SARS2: variants seen among roughly 807,000 people sequenced by gnomAD.
The protein encoded by SARS2 is seryl-tRNA synthetase 2, mitochondrial, also known as serine--tRNA ligase, mitochondrial.
A neutral mutation model predicts 66.8 loss-of-function variants in SARS2; 52 were observed. The observed-to-expected ratio is 0.78, with a 90% confidence interval of 0.62 to 0.98. SARS2 has a LOEUF of 0.98. Ranked by LOEUF, SARS2 falls within the 50% of genes least tolerant of loss-of-function variation. The pLI is 0.00. For synonymous variants in SARS2, 306 were observed against 281.4 expected, an observed-to-expected ratio of 1.09 and a Z score of -0.87; for missense variants, 673 against 706.3, an observed-to-expected ratio of 0.95 and a Z score of 0.53.
chr19:38,930,462 G>A lies in SARS2; in HGVS notation c.267+8C>T, dbSNP rs1281578189. On this transcript the variant is annotated splice_region_variant and intron_variant, in intron 1 of 15. Coordinates refer to ENST00000221431, the MANE Select transcript of SARS2 (RefSeq NM_017827.4). ...TCTGCGCCCCCCGGCCGGCGCAGGCGCACTCACGATCGCGGGCAGGTCCGC... is the reference window on the plus strand; with the variant it reads ...TCTGCGCCCCCCGGCCGGCGCAGGCACACTCACGATCGCGGGCAGGTCCGC... 2 of 1,592,236 alleles carry A rather than the reference G, an allele frequency of 1.3e-6. No individual in the cohort carries two copies. Among genetic ancestry groups the A allele is most frequent in the East Asian group, 2.2e-5 (1 of 44,476 alleles).
At chr19:38,917,685 C>CAA in intron 12 of SARS2, 39 bp downstream of exon 12, 5 of 1,028,704 alleles carry the variant, frequency 4.9e-6, no homozygotes, top group South Asian at 1.3e-5. Flanking sequence ...TCCCCTACCC[C>CAA]ACCCCTGCCA....
rs752809439 is a variant in SARS2 at position 38,926,313 on chromosome 19, T to C, written c.268-13A>G. 6.2e-7 allele frequency: 1 copy of C among 1,601,862 alleles called. No individual in the cohort carries two copies. Among genetic ancestry groups the C allele is most frequent in the Non-Finnish European group, 8.5e-7 (1 of 1,179,450 alleles). ...GCCATGTCGAGATCTGGGGTGGATA[T>C]AAGAGAAAAGGAGATGAAGCAGCCA... is the stretch of plus-strand genomic sequence containing the variant. On this transcript the variant is annotated splice_polypyrimidine_tract_variant and intron_variant, in intron 1 of 15. Transcript: ENST00000221431.
chr19:38,919,317 C>A (rs1974476242), intron 7 of SARS2, among the ~76,000 whole-genome samples: 1 of 152,166 alleles, frequency 6.6e-6, no homozygotes. Flanking sequence ...TTTGGCCACA[C>A]CCTCCCCTGC....
At chr19:38,921,926 T>G in intron 3 of SARS2, 1 of 1,515,450 alleles carries the variant, frequency 6.6e-7, no homozygotes, top group South Asian at 1.2e-5. Context: ...TGATGTCAGC[T>G]GAACTCATGA....
chr19:38,921,927 G>A, intron 3 of SARS2: 1 of 1,514,470 alleles, frequency 6.6e-7, no homozygotes, highest in Admixed American at 2.0e-5. Context: ...GATGTCAGCT[G>A]AACTCATGAG....
In SARS2 at chr19:38,915,922, G is replaced by A. The variant is rs752018275; in HGVS notation, c.1348-16C>T. 3 of 1,613,476 alleles carry A rather than the reference G, an allele frequency of 1.9e-6. No homozygotes were observed. Among genetic ancestry groups the A allele is most frequent in the Non-Finnish European group, 8.5e-7 (1 of 1,179,962 alleles). On this transcript the variant is annotated splice_polypyrimidine_tract_variant and intron_variant, in intron 14 of 15. Coordinates refer to ENST00000221431, the MANE Select transcript of SARS2 (RefSeq NM_017827.4). ...TGGCGTTCACCTGTGAGACAGCCATGCTCGGAACTGGCGCCCACCCCAAGC... is the reference window on the plus strand; with the variant it reads ...TGGCGTTCACCTGTGAGACAGCCATACTCGGAACTGGCGCCCACCCCAAGC...
intron 5 of SARS2, 22 bp from the exon 6 acceptor site, chr19:38,920,171 C>T (rs373811010): frequency 8.6e-5 from 134 of 1,550,174 alleles, no homozygotes; most frequent in Non-Finnish European, 9.8e-5. Flanking sequence ...TGAAAAGCAC[C>T]GGTGTAAGGC....
rs779378660 is a variant in SARS2, at chr19:38,916,211, C to G, written c.1254+10G>C. The stretch of plus-strand genomic sequence containing the variant: ...CCTGCCCACCCCGTCCCCAGCGGCA[C>G]AGGGCTCACCTCTCCAAAGCGGCCT... On this transcript the variant is annotated intron_variant, in intron 13 of 15. Coordinates refer to ENST00000221431, the MANE Select transcript of SARS2 (RefSeq NM_017827.4). 2.2e-4 allele frequency: 360 copies of G among 1,613,878 alleles called. 1 individual carries two copies. Among genetic ancestry groups the G allele is most frequent in the Non-Finnish European group, 6.0e-5 (71 of 1,179,906 alleles).
intron 10 of SARS2, 37 bp downstream of exon 10, chr19:38,918,057 A>T: frequency 4.4e-6 from 7 of 1,603,994 alleles, no homozygotes; most frequent in Non-Finnish European, 6.0e-6. Context: ...ACTGATTGTC[A>T]CAGGTGGGGT....
intron 5 of SARS2, among the ~76,000 whole-genome samples, chr19:38,921,050 TAC>T (rs1974522739): frequency 1.5e-5 from 2 of 131,144 alleles, no homozygotes; most frequent in East Asian, 4.6e-4. Flanking sequence ...GATACACAGA[TAC>T]AGACACACAC....
chr19:38,930,453 GGCGCAGGCGCACTCACGATCGC>G lies in SARS2; in HGVS notation c.262_267+16del. ...AAGCAAACGTCTGCGCCCCCCGGCC[GGCGCAGGCGCACTCACGATCGC>G]GGGCAGGTCCGCCGAGCGCAGCTCC... On this transcript the variant is annotated splice_donor_variant and splice_donor_5th_base_variant and coding_sequence_variant and intron_variant, in exon 1 of 16. Transcript: ENST00000221431. LOFTEE classifies it high-confidence loss of function. The G allele has an allele frequency of 6.3e-7, 1 of 1,582,368 alleles. No homozygotes were observed.
chr19:38,918,991 T>G (rs1374557497), intron 7 of SARS2, among the ~76,000 whole-genome samples, 178 bp from the exon 8 acceptor site: 2 of 152,080 alleles, frequency 1.3e-5, no homozygotes, highest in African/African-American at 4.8e-5. Flanking sequence ...GGCGGATCAC[T>G]TGAGGCCAGG....
chr19:38,923,665 T>C (rs974041076), intron 2 of SARS2, among the ~76,000 whole-genome samples: 20 of 149,902 alleles, frequency 1.3e-4, no homozygotes, highest in African/African-American at 4.4e-4. Context: ...AGAAACCTCA[T>C]CTCTAAAACC....
At chr19:38,928,031 T>TCAAA (rs945954143) in intron 1 of SARS2, among the ~76,000 whole-genome samples, 4 of 151,952 alleles carry the variant, frequency 2.6e-5, no homozygotes, top group South Asian at 4.1e-4. Flanking sequence ...AGACTCCATC[T>TCAAA]CAAACAAACA....
chr19:38,919,611 T>G, intron 7 of SARS2, 151 bp downstream of exon 7: 1 of 702,334 alleles, frequency 1.4e-6, no homozygotes, highest in East Asian at 2.7e-5. Flanking sequence ...CTTCATAAAG[T>G]TGTCGTAAGG....
At chr19:38,918,210 C>T in intron 9 of SARS2, 71 bp from the exon 10 acceptor site, 3 of 1,500,724 alleles carry the variant, frequency 2.0e-6, no homozygotes, top group Non-Finnish European at 2.7e-6. Context: ...GATTAAGAGG[C>T]ACTCCCTCTG....
At chr19:38,918,290 A>G (rs1382408025) in intron 9 of SARS2, 132 bp downstream of exon 9, 2 of 1,137,792 alleles carry the variant, frequency 1.8e-6, no homozygotes, top group Non-Finnish European at 1.3e-6. Context: ...AACAACCTAC[A>G]CAGCCGTACA....
Position 38,917,750 on chromosome 19 carries a change from G to C in SARS2, c.1134C>G (p.Ile378Met). 6.7e-7 allele frequency: 1 copy of C among 1,495,108 alleles called. No homozygotes were observed. Among genetic ancestry groups the C allele is most frequent in the Non-Finnish European group, 9.1e-7 (1 of 1,103,908 alleles). The allele number at this position is 1,495,108 out of a possible 1,614,324, so 92.6% of individuals were successfully genotyped here. The stretch of plus-strand genomic sequence containing the variant: ...GGAAGTGCAAGCCCAGCTCTGTCAA[G>C]ATCTCCATCTGAAGGGACAGGAACT... ...LEEFLSLQME[I>M]LTELGLHFRV... The change falls in exon 12 of 16, where the codon ATC becomes ATG. Residue 378 changes from isoleucine (I) to methionine (M), a missense_variant. Transcript: ENST00000221431.
intron 1 of SARS2, among the ~76,000 whole-genome samples, 184 bp downstream of exon 1, chr19:38,930,286 G>T (rs1293385958): frequency 3.3e-5 from 5 of 152,244 alleles, no homozygotes; most frequent in Non-Finnish European, 1.5e-5. Context: ...TTGGCACATA[G>T]TAGGGCCTCA....
Sources: allele counts gnomAD v4.1 joint callset (sites outside exome capture counted in the v4.1 genomes callset), GRCh38; gene constraint gnomAD v4.1.1; transcripts MANE v1.5; gene names NCBI Gene and HGNC (gene_info 2026-07-23, HGNC 2026-07-21).